Variants in GRIA3 observed in about 807,000 individuals in gnomAD.
GRIA3 encodes the protein glutamate ionotropic receptor AMPA type subunit 3.
GRIA3 carries 3 observed loss-of-function variants against 63.0 expected under a neutral mutation model. That is an observed-to-expected ratio of 0.05 (90% CI 0.02 to 0.12). GRIA3 has a LOEUF of 0.12. Among genes scored for constraint, GRIA3 ranks in the 10% least tolerant of loss-of-function variants. The pLI, the probability that GRIA3 is intolerant of heterozygous loss-of-function variation, is 1.00. For synonymous variants in GRIA3, 274 were observed against 257.9 expected, an observed-to-expected ratio of 1.06 and a Z score of -0.60; for missense variants, 347 against 700.9, an observed-to-expected ratio of 0.50 and a Z score of 5.70.
intron 5 of GRIA3, among the ~76,000 whole-genome samples, chrX:123,355,265 A>G (rs1036646880): frequency 8.9e-6 from 1 of 112,388 alleles, no homozygotes; most frequent in African/African-American, 3.2e-5. Context: ...AAGATAAACC[A>G]TGGAATTGGG....
intron 5 of GRIA3, among the ~76,000 whole-genome samples, chrX:123,362,837 A>G (rs2045185769): frequency 8.9e-6 from 1 of 112,532 alleles, no homozygotes; most frequent in Admixed American, 9.4e-5. Context: ...CTGAAGTGCC[A>G]TGAGGGCAAG....
At chrX:123,247,248 T>C (rs965396254) in intron 2 of GRIA3, among the ~76,000 whole-genome samples, 1 of 112,585 alleles carries the variant, frequency 8.9e-6, no homozygotes, top group Non-Finnish European at 1.9e-5. Flanking sequence ...GTAAATGATA[T>C]GCAATATTGT....
At position 123,404,790 on chromosome X, in the gene GRIA3, C is replaced by T; in HGVS notation, c.1376C>T (p.Ala459Val). The T allele has an allele frequency of 8.3e-7, 1 of 1,198,930 alleles. No homozygotes were observed. The highest frequency in any genetic ancestry group is 1.1e-6 in the Non-Finnish European group (1 of 884,003). The change falls in exon 10 of 16, where the codon GCC becomes GTC. Residue 459 changes from alanine (A) to valine (V), a missense_variant. Around this residue, in one of 8 missense-constraint regions of GRIA3, gnomAD observed 65 missense variants for 145.8 expected, o/e 0.45. Transcript: ENST00000620443. ...ERYEGYCVDL[A>V]YEIAKHVRIK... is the part of the protein sequence containing the mutation. The stretch of plus-strand genomic sequence containing the variant: ...TATGAAGGCTATTGTGTAGACCTAG[C>T]CTATGAAATAGCCAAACATGTAAGG...
At chrX:123,486,670 T>C (rs912177359) in intron 15 of GRIA3, among the ~76,000 whole-genome samples, 2 of 111,409 alleles carry the variant, frequency 1.8e-5, no homozygotes, top group Non-Finnish European at 3.8e-5. Flanking sequence ...AAGTGAAGAG[T>C]GAGATCTTCA....
chrX:123,343,380 C>T (rs73229284), intron 4 of GRIA3, among the ~76,000 whole-genome samples: 2,571 of 111,256 alleles, frequency 0.023, 40 homozygotes, highest in Non-Finnish European at 0.034. Flanking sequence ...CTGGTTCTAT[C>T]CCCTGCATGT....
At chrX:123,317,151 A>G (rs752773547) in intron 3 of GRIA3, among the ~76,000 whole-genome samples, 9 of 111,424 alleles carry the variant, frequency 8.1e-5, no homozygotes, top group Non-Finnish European at 1.3e-4. Flanking sequence ...ATTCACTATC[A>G]TGAGAATAGG....
At chrX:123,423,999 G>A (rs1018827586) in intron 11 of GRIA3, among the ~76,000 whole-genome samples, 2 of 111,302 alleles carry the variant, frequency 1.8e-5, no homozygotes, top group African/African-American at 6.5e-5. Context: ...TTAACTTCAC[G>A]CCTCCTCTTA....
At chrX:123,230,769 T>C (rs996639406) in intron 2 of GRIA3, among the ~76,000 whole-genome samples, 7 of 111,892 alleles carry the variant, frequency 6.3e-5, no homozygotes, top group Non-Finnish European at 1.3e-4. Context: ...CTATGACACA[T>C]CATTGGAACT....
At chrX:123,195,422 C>T (rs752199392) in intron 2 of GRIA3, among the ~76,000 whole-genome samples, 2 of 112,006 alleles carry the variant, frequency 1.8e-5, no homozygotes, top group South Asian at 3.8e-4. Flanking sequence ...AGCCAGGATT[C>T]GACCTGAGAT....
intron 4 of GRIA3, among the ~76,000 whole-genome samples, chrX:123,348,350 A>G: frequency 8.9e-6 from 1 of 112,169 alleles, no homozygotes; most frequent in East Asian, 2.8e-4. Flanking sequence ...TCTCTAAAAT[A>G]AATTTCTTGC....
intron 3 of GRIA3, among the ~76,000 whole-genome samples, chrX:123,271,615 TA>T (rs2044523252): frequency 8.9e-6 from 1 of 112,024 alleles, no homozygotes. Flanking sequence ...GGCCAATGAA[TA>T]ATCAGTTCCT....
At chrX:123,235,760 T>C (rs1159253037) in intron 2 of GRIA3, among the ~76,000 whole-genome samples, 1 of 110,815 alleles carries the variant, frequency 9.0e-6, no homozygotes, top group Non-Finnish European at 1.9e-5. Flanking sequence ...GAATTTTGAC[T>C]TGGAAATCTC....
intron 4 of GRIA3, among the ~76,000 whole-genome samples, chrX:123,330,937 T>C (rs1199328950): frequency 1.8e-5 from 2 of 112,393 alleles, no homozygotes; most frequent in Non-Finnish European, 3.8e-5. Flanking sequence ...AATATCCTTA[T>C]AGAAGACTTA....
At position 123,398,735 on chromosome X, in the gene GRIA3, G is replaced by A; in HGVS notation, c.1012G>A (p.Gly338Arg). Residue 338 changes from glycine (G) to arginine (R), a missense_variant, in exon 7 of 16, where the codon GGA (glycine) becomes AGA (arginine). Physicochemically the swap from Gly to Arg is moderately radical, Grantham distance 125. This residue lies in a region of GRIA3 where 65 missense variants were observed against 145.8 expected (regional missense o/e 0.45). Transcript: ENST00000620443. The stretch of plus-strand genomic sequence containing the variant: ...AGATGTGTCCCGGAGAGGAAGTGCT[G>A]GAGACTGCTTAGCAAATCCTGCTGT... ...RVDVSRRGSA[G>R]DCLANPAVPW... 2 of 1,209,267 alleles carry A rather than the reference G, an allele frequency of 1.7e-6. No individual in the cohort carries two copies. The highest frequency in any genetic ancestry group is 2.2e-6 in the Non-Finnish European group (2 of 893,396).
chrX:123,411,579 G>A, intron 10 of GRIA3, among the ~76,000 whole-genome samples: 1 of 110,883 alleles, frequency 9.0e-6, no homozygotes, highest in Middle Eastern at 4.6e-3. Flanking sequence ...TTACAACTTT[G>A]GCAACCCACC....
chrX:123,207,882 T>C (rs1927934977), intron 2 of GRIA3, among the ~76,000 whole-genome samples: 1 of 111,493 alleles, frequency 9.0e-6, no homozygotes, highest in African/African-American at 3.3e-5. Context: ...ACCAGCCAAG[T>C]ATATAGGGAC....
chrX:123,403,438 G>A lies in GRIA3; in HGVS notation c.1212G>A (p.Arg404=). ...CTGGCTACTGGAATGAGTATGAAAG[G>A]TTTGTGCCTTTCTCAGATCAGCAAA... ...RKAGYWNEYE[R]FVPFSDQQIS... The change falls in exon 9 of 16, where the codon AGG becomes AGA. Residue 404 remains arginine (R), a synonymous_variant. Transcript: ENST00000620443. 1 of 1,192,240 alleles carries A rather than the reference G, an allele frequency of 8.4e-7. No individual in the cohort carries two copies. The highest frequency in any genetic ancestry group is 1.1e-6 in the Non-Finnish European group (1 of 877,619).
chrX:123,448,462 A>G (rs2045714163), intron 12 of GRIA3, among the ~76,000 whole-genome samples: 1 of 111,564 alleles, frequency 9.0e-6, no homozygotes, highest in African/African-American at 3.3e-5. Context: ...CTCCATAATC[A>G]GAGTAAACTA....
chrX:123,368,695 G>A (rs1226894474), intron 5 of GRIA3, among the ~76,000 whole-genome samples: 1 of 109,450 alleles, frequency 9.1e-6, no homozygotes, highest in Non-Finnish European at 1.9e-5. Flanking sequence ...AAACTGTGTG[G>A]GCAATTTTAC....
Sources: gnomAD v4.1 joint callset for allele counts (sites outside exome capture counted in the v4.1 genomes callset) on GRCh38, gnomAD v4.1.1 for gene constraint, gnomAD v4.1.1 regional missense constraint, MANE v1.5 for transcripts, NCBI Gene and HGNC (gene_info 2026-07-23, HGNC 2026-07-21) for gene names.